The following GTF3C4 variants were observed in gnomAD, a reference collection of about 807,000 sequenced individuals.
The protein encoded by GTF3C4 is general transcription factor IIIC subunit 4.
A neutral mutation model predicts 67.5 loss-of-function variants in GTF3C4; 28 were observed. The observed-to-expected ratio is 0.41, with a 90% CI of 0.31 to 0.57. The LOEUF is 0.57. Among genes scored for constraint, GTF3C4 ranks in the 20% least tolerant of loss-of-function variants. GTF3C4 has a pLI of 0.21. For missense variants in GTF3C4, 831 were observed against 1,033.2 expected (o/e 0.80, Z 2.68); for synonymous variants, 409 against 393.0 (o/e 1.04, Z -0.48).
chr9:132,670,083 G>C (rs768135162), upstream of GTF3C4: 1 of 1,560,732 alleles, frequency 6.4e-7, no homozygotes, highest in Admixed American at 1.9e-5. Flanking sequence ...CCCGAGGGGA[G>C]CCGGGGACGG....
Position 132,689,789 on chromosome 9 carries a change from G to GA in GTF3C4, c.*845dup, listed in dbSNP as rs1564359171. The GA allele has an allele frequency of 6.6e-6, 1 of 152,188 alleles. No homozygotes were observed. The highest frequency in any genetic ancestry group is 1.5e-5 in the Non-Finnish European group (1 of 68,040). 9.4% of individuals were successfully genotyped at this position (152,188 alleles called of 1,614,324 possible). A position where few individuals can be genotyped will look rare whatever the true frequency, so the allele number is the denominator to read the frequency against. ...AGATATTTTCCTCTTTTAGTAATAA[G>GA]ACTTTCAGTATTTTTAATGTTGACA... is the stretch of plus-strand genomic sequence containing the variant. On this transcript the variant is annotated 3_prime_UTR_variant, in exon 5 of 5. Transcript: ENST00000372146.
At chr9:132,674,303 A>C (rs1169849018) in intron 1 of GTF3C4, among the ~76,000 whole-genome samples, 2 of 152,270 alleles carry the variant, frequency 1.3e-5, no homozygotes, top group Non-Finnish European at 2.9e-5. Context: ...GGACTTTTTA[A>C]GTATACTCCT....
chr9:132,684,497 C>T (rs1490085972), intron 3 of GTF3C4, among the ~76,000 whole-genome samples: 1 of 152,168 alleles, frequency 6.6e-6, no homozygotes, highest in Non-Finnish European at 1.5e-5. Flanking sequence ...AAAACTTTGT[C>T]ACTGGCTACT....
intron 4 of GTF3C4, among the ~76,000 whole-genome samples, chr9:132,688,503 T>C (rs2130903342): frequency 6.6e-6 from 1 of 152,338 alleles, no homozygotes; most frequent in Non-Finnish European, 1.5e-5. Flanking sequence ...CTCAAGGGCA[T>C]AGCATTTTTT....
intron 1 of GTF3C4, among the ~76,000 whole-genome samples, chr9:132,673,219 G>A (rs1004861855): frequency 6.6e-6 from 1 of 152,072 alleles, no homozygotes; most frequent in Non-Finnish European, 1.5e-5. Flanking sequence ...AGTTATACAG[G>A]TATGAAGGAG....
In GTF3C4 at chr9:132,670,651, C is replaced by T; in HGVS notation, c.53C>T (p.Pro18Leu). 2.0e-6 allele frequency: 3 copies of T among 1,475,400 alleles called. No individual in the cohort carries two copies. The highest frequency in any genetic ancestry group is 2.7e-6 in the Non-Finnish European group (3 of 1,123,906). The allele number at this position is 1,475,400 out of a possible 1,614,324, so 91.4% of individuals were successfully genotyped here. Residue 18 changes from proline to leucine, a missense_variant, in exon 1 of 5, where the codon CCG (proline) becomes CTG (leucine). Coordinates refer to ENST00000372146, the MANE Select transcript of GTF3C4 (RefSeq NM_012204.4). ...GGGCCCGCGGACGACGGGCCTGCGC[C>T]GTCTGGGGAGGAGGAGGGAGAGGGG... ...RVGPADDGPA[P>L]SGEEEGEGGG...
At chr9:132,682,846 C>T (rs1003548703) in intron 2 of GTF3C4, among the ~76,000 whole-genome samples, 1 of 152,092 alleles carries the variant, frequency 6.6e-6, no homozygotes, top group Non-Finnish European at 1.5e-5. Context: ...TCAAGTGATC[C>T]ACCCGCCTTG....
chr9:132,678,929 C>A lies in GTF3C4; in HGVS notation c.1310C>A (p.Thr437Lys), dbSNP rs1835902521. ...VSMTADKQNG[T>K]VYTCSSDGKV... ...ATGACTGCAGACAAACAGAATGGAA[C>A]AGTCTATACTTGCTCCAGTGACGGA... The change falls in exon 2 of 5, where the codon ACA becomes AAA. Residue 437 changes from threonine (T) to lysine (K), a missense_variant. Physicochemically the swap from Thr to Lys is moderately conservative, Grantham distance 78. Transcript: ENST00000372146. The surrounding 1 kb of genome is among the most constrained non-coding windows in gnomAD (Gnocchi z 6.5). 1 of 1,614,196 alleles carries A rather than the reference C, an allele frequency of 6.2e-7. No individual in the cohort carries two copies. Among genetic ancestry groups the A allele is most frequent in the Non-Finnish European group, 8.5e-7 (1 of 1,180,036 alleles).
At chr9:132,680,410 G>A (rs809269) in intron 2 of GTF3C4, among the ~76,000 whole-genome samples, 71,909 of 151,612 alleles carry the variant, frequency 0.47, 17,751 homozygotes, top group African/African-American at 0.61. Flanking sequence ...GCGTTCTGAG[G>A]ATTCCTACAG....
At chr9:132,671,002 C>A (rs969493638) in intron 1 of GTF3C4, 47 bp downstream of exon 1, 8 of 1,310,740 alleles carry the variant, frequency 6.1e-6, no homozygotes, top group Non-Finnish European at 8.8e-6. Flanking sequence ...GTCCCCCTCT[C>A]GCGGCCGCAT....
At chr9:132,684,406 T>C (rs1390871195) in intron 3 of GTF3C4, among the ~76,000 whole-genome samples, 1 of 152,234 alleles carries the variant, frequency 6.6e-6, no homozygotes, top group Non-Finnish European at 1.5e-5. Flanking sequence ...TTATTACACC[T>C]GTAGTTACCT....
chr9:132,670,458 G>A, upstream of GTF3C4: 1 of 950,960 alleles, frequency 1.1e-6, no homozygotes, highest in Non-Finnish European at 1.4e-6. Flanking sequence ...CAACGGCGGG[G>A]TCCTTCTTGG....
rs1367497327 is a variant in GTF3C4, at chr9:132,688,924, C to T, written c.2448C>T (p.Phe816=). 3.1e-6 allele frequency: 5 copies of T among 1,612,188 alleles called. No homozygotes were observed. The highest frequency in any genetic ancestry group is 4.2e-6 in the Non-Finnish European group (5 of 1,178,230). ...GGTTACTGCAAAGCCCCTGCCCTTT[C>T]TGTGATTCTCCTGTCTTCTAAATAA... The part of the protein sequence containing the change: ...IKRLLQSPCP[F]CDSPVF Residue 816 remains phenylalanine, a synonymous_variant, in exon 5 of 5, where the codon TTC becomes TTT. Transcript: ENST00000372146.
intron 4 of GTF3C4, 23 bp downstream of exon 4, chr9:132,687,350 G>C: frequency 9.1e-7 from 1 of 1,104,950 alleles, no homozygotes; most frequent in African/African-American, 1.5e-5. Context: ...CCTTACTTGG[G>C]AGGGTGGGTG....
chr9:132,678,664 G>A lies in GTF3C4; in HGVS notation c.1045G>A (p.Ala349Thr), dbSNP rs1159806850. Residue 349 changes from alanine to threonine, a missense_variant, in exon 2 of 5, where the codon GCA (alanine) becomes ACA (threonine). Around this residue, in one of 4 missense-constraint regions of GTF3C4, gnomAD observed 390 missense variants for 540.3 expected, o/e 0.72. Coordinates refer to ENST00000372146, the MANE Select transcript of GTF3C4 (RefSeq NM_012204.4). The surrounding 1 kb of genome is among the most constrained non-coding windows in gnomAD (Gnocchi z 6.5). ...AAAAATTCTTCCTGTCAATCTCAAA[G>A]CAGTCAAAGGCTATTTCACTTTAAG... ...PIKILPVNLK[A>T]VKGYFTLRQP... The A allele has an allele frequency of 6.2e-7, 1 of 1,614,114 alleles. No homozygotes were observed. Among genetic ancestry groups the A allele is most frequent in the Non-Finnish European group, 8.5e-7 (1 of 1,179,990 alleles).
intron 3 of GTF3C4, among the ~76,000 whole-genome samples, chr9:132,684,423 T>C (rs539899072): frequency 6.6e-6 from 1 of 152,220 alleles, no homozygotes; most frequent in East Asian, 1.9e-4. Flanking sequence ...ACCTTCCATC[T>C]GGTCTTCCCA....
Position 132,679,903 on chromosome 9 carries a change from G to A in GTF3C4, c.2184+100G>A. On this transcript the variant is annotated intron_variant, in intron 2 of 4. Transcript: ENST00000372146. The surrounding 1 kb of genome is among the most constrained non-coding windows in gnomAD (Gnocchi z 5.9). ...GTTCCTGAAGCTCAACTTTTGCTTT[G>A]ACATTTTTTAGGTAATTTATTTGCT... 1.7e-6 allele frequency: 2 copies of A among 1,161,678 alleles called. No individual in the cohort carries two copies. 72.0% of individuals were successfully genotyped at this position (1,161,678 alleles called of 1,614,324 possible).
Position 132,670,829 on chromosome 9 carries a change from C to T in GTF3C4, c.231C>T (p.Arg77=). ...CGCTGGCTTGGTCCGAGGACCACCG[C>T]GTGTCTGTGTCCACGGCCCGCAGCA... ...LEPLAWSEDH[R]VSVSTARSIA... Residue 77 remains arginine, a synonymous_variant, in exon 1 of 5, where the codon CGC becomes CGT. Transcript: ENST00000372146. The T allele has an allele frequency of 3.7e-6, 6 of 1,609,178 alleles. No individual in the cohort carries two copies. Among genetic ancestry groups the T allele is most frequent in the Non-Finnish European group, 5.1e-6 (6 of 1,179,380 alleles).
At chr9:132,680,247 T>C (rs189175714) in intron 2 of GTF3C4, among the ~76,000 whole-genome samples, 33 of 152,352 alleles carry the variant, frequency 2.2e-4, no homozygotes, top group Admixed American at 1.4e-3. Context: ...GAAAGACATA[T>C]AAAGTAAACA....
Sources: gnomAD v4.1 joint callset for allele counts (sites outside exome capture counted in the v4.1 genomes callset) on GRCh38, gnomAD v4.1.1 for gene constraint, gnomAD v4.1.1 regional missense constraint, Gnocchi (gnomAD v3.1) non-coding constraint, MANE v1.5 for transcripts, NCBI Gene and HGNC (gene_info 2026-07-23, HGNC 2026-07-21) for gene names.